Variants in POFUT3 observed in about 807,000 individuals in gnomAD.
POFUT3 encodes protein O-fucosyltransferase 3, also known as GDP-fucose protein O-fucosyltransferase 3.
the POFUT3 span, among the ~76,000 whole-genome samples, chr8:33,463,351 A>G: frequency 1.3e-5 from 2 of 152,026 alleles, no homozygotes; most frequent in East Asian, 3.9e-4. Flanking sequence ...CTACAAATAC[A>G]AAAATTAGCT....
At chr8:33,424,462 G>C in the POFUT3 span, among the ~76,000 whole-genome samples, 1 of 152,166 alleles carries the variant, frequency 6.6e-6, no homozygotes, top group Non-Finnish European at 1.5e-5. Flanking sequence ...GCTGCTACCA[G>C]CAAGAAGTAA....
At chr8:33,407,789 G>T in the POFUT3 span, among the ~76,000 whole-genome samples, 1 of 152,018 alleles carries the variant, frequency 6.6e-6, no homozygotes, top group East Asian at 1.9e-4. Context: ...GATCACCTGA[G>T]GTCAGGAGTT....
the POFUT3 span, among the ~76,000 whole-genome samples, chr8:33,367,609 T>C: frequency 6.6e-6 from 1 of 152,292 alleles, no homozygotes; most frequent in East Asian, 1.9e-4. Flanking sequence ...CCAAACAAGC[T>C]GGTCTTGGCA....
the POFUT3 span, among the ~76,000 whole-genome samples, chr8:33,416,711 TG>T: frequency 1.3e-5 from 2 of 151,378 alleles, no homozygotes; most frequent in African/African-American, 4.9e-5. Context: ...CTGGGTGTGG[TG>T]CCGCATGCCT....
the POFUT3 span, among the ~76,000 whole-genome samples, chr8:33,376,473 G>C: frequency 4.6e-5 from 7 of 152,166 alleles, no homozygotes; most frequent in Non-Finnish European, 1.0e-4. Context: ...TTCAAGCAAA[G>C]AAGTCCCTTC....
At chr8:33,335,828 G>T in the POFUT3 span, among the ~76,000 whole-genome samples, 1 of 152,140 alleles carries the variant, frequency 6.6e-6, no homozygotes, top group Non-Finnish European at 1.5e-5. Flanking sequence ...AAGTGGAAGT[G>T]AATCATCATA....
chr8:33,355,450 T>G, the POFUT3 span, among the ~76,000 whole-genome samples: 1 of 152,048 alleles, frequency 6.6e-6, no homozygotes, highest in Non-Finnish European at 1.5e-5. Context: ...TTCTGAAAAC[T>G]CCCTCACAGA....
chr8:33,459,544 C>T, the POFUT3 span, among the ~76,000 whole-genome samples: 25 of 150,746 alleles, frequency 1.7e-4, no homozygotes, highest in African/African-American at 5.9e-4. Flanking sequence ...CAGGAGGCTG[C>T]GTTGGGAGGA....
the POFUT3 span, among the ~76,000 whole-genome samples, chr8:33,434,254 C>T: frequency 6.6e-6 from 1 of 152,214 alleles, no homozygotes; most frequent in African/African-American, 2.4e-5. Flanking sequence ...GAGCAACACT[C>T]CATCTCAAAA....
the POFUT3 span, among the ~76,000 whole-genome samples, chr8:33,329,791 A>G: frequency 6.6e-6 from 1 of 152,208 alleles, no homozygotes. Context: ...TTTCTTATAA[A>G]TGGGTCTTTC....
the POFUT3 span, among the ~76,000 whole-genome samples, chr8:33,379,935 A>C: frequency 1.8e-5 from 2 of 112,060 alleles, no homozygotes; most frequent in South Asian, 2.5e-4. Context: ...CTATATATAC[A>C]CTATATATAC....
At chr8:33,466,681 G>A in the POFUT3 span, among the ~76,000 whole-genome samples, 1 of 152,158 alleles carries the variant, frequency 6.6e-6, no homozygotes, top group Non-Finnish European at 1.5e-5. Context: ...CATCAAGTCA[G>A]CAGTCCTCCA....
the POFUT3 span, among the ~76,000 whole-genome samples, chr8:33,456,642 T>A: frequency 2.9e-4 from 44 of 152,062 alleles, no homozygotes; most frequent in Non-Finnish European, 5.4e-4. Flanking sequence ...AATAAAGGAA[T>A]GCATTAAATA....
the POFUT3 span, among the ~76,000 whole-genome samples, chr8:33,425,409 G>A: frequency 6.6e-6 from 1 of 152,200 alleles, no homozygotes; most frequent in Middle Eastern, 3.4e-3. Flanking sequence ...ACCTTGTCAG[G>A]TCAAAGAAGT....
At chr8:33,375,822 G>A in the POFUT3 span, among the ~76,000 whole-genome samples, 1 of 152,028 alleles carries the variant, frequency 6.6e-6, no homozygotes, top group Non-Finnish European at 1.5e-5. Flanking sequence ...TTAGAGACCA[G>A]CCTGGCCAAC....
the POFUT3 span, among the ~76,000 whole-genome samples, chr8:33,467,016 G>A: frequency 6.6e-6 from 1 of 151,870 alleles, no homozygotes; most frequent in Non-Finnish European, 1.5e-5. Context: ...GAGGCAGGAA[G>A]GATTGCTTGA....
chr8:33,463,078 G>C, the POFUT3 span, among the ~76,000 whole-genome samples: 1 of 152,132 alleles, frequency 6.6e-6, no homozygotes, highest in Non-Finnish European at 1.5e-5. Context: ...CAATGCTGCT[G>C]CACAGTACTT....
At chr8:33,396,378 A>T in the POFUT3 span, among the ~76,000 whole-genome samples, 1 of 152,206 alleles carries the variant, frequency 6.6e-6, no homozygotes, top group Non-Finnish European at 1.5e-5. Context: ...TTGTTTTCCT[A>T]TCAGAATATG....
the POFUT3 span, among the ~76,000 whole-genome samples, chr8:33,429,043 G>A: frequency 6.6e-6 from 1 of 152,034 alleles, no homozygotes; most frequent in African/African-American, 2.4e-5. Flanking sequence ...CAACTTACTG[G>A]GCATCCACCC....
Sources: gnomAD v4.1 joint callset for allele counts (sites outside exome capture counted in the v4.1 genomes callset) on GRCh38, gnomAD v4.1.1 for gene constraint, MANE v1.5 for transcripts, NCBI Gene and HGNC (gene_info 2026-07-23, HGNC 2026-07-21) for gene names.